Variants in VCAN observed in about 807,000 individuals in gnomAD.
The protein encoded by VCAN is versican core protein.
In VCAN, 44 loss-of-function variants were observed where a neutral mutation model predicts 245.5. The ratio of observed to expected loss-of-function variants is 0.18; its 90% CI spans 0.14 to 0.23. VCAN has a LOEUF of 0.23. Ranked by LOEUF, VCAN falls within the 10% of genes least tolerant of loss-of-function variation. The probability of loss-of-function intolerance (pLI) is 1.00; values close to 1 mark genes in which losing one functional copy is unlikely to be tolerated. For missense variants in VCAN, 3,793 were observed against 4,057.9 expected (o/e 0.93, Z 1.77); for synonymous variants, 1,413 against 1,437.0 (o/e 0.98, Z 0.38).
intron 5 of VCAN, among the ~76,000 whole-genome samples, chr5:83,497,321 T>C (rs1209803794): frequency 6.6e-6 from 1 of 152,240 alleles, no homozygotes; most frequent in Non-Finnish European, 1.5e-5. Context: ...TCCTGACATA[T>C]GTGTTTCTCT....
intron 2 of VCAN, among the ~76,000 whole-genome samples, chr5:83,488,873 T>A (rs1486469658): frequency 6.6e-6 from 1 of 152,222 alleles, no homozygotes; most frequent in Non-Finnish European, 1.5e-5. Context: ...TCACATGAAA[T>A]GTTTTATAGG....
chr5:83,472,019 C>T lies in VCAN; in HGVS notation c.-11C>T. ...CCCCCAAACTGCAATAAGCCGCCTT[C>T]CAAGGTAATCACGTTTCTTTTGTTC... On this transcript the variant is annotated 5_prime_UTR_variant, in exon 1 of 15. Transcript: ENST00000265077. The T allele has an allele frequency of 2.7e-6, 1 of 370,116 alleles. No individual in the cohort carries two copies. The highest frequency in any genetic ancestry group is 4.8e-6 in the Non-Finnish European group (1 of 208,902). The allele number at this position is 370,116 out of a possible 1,614,324, so 22.9% of individuals were successfully genotyped here.
intron 6 of VCAN, among the ~76,000 whole-genome samples, chr5:83,516,723 G>A (rs1745869099): frequency 6.6e-6 from 1 of 152,250 alleles, no homozygotes; most frequent in African/African-American, 2.4e-5. Context: ...GCACCTATTG[G>A]AAGGACACTG....
At chr5:83,481,951 T>C (rs962890830) in intron 1 of VCAN, among the ~76,000 whole-genome samples, 4 of 152,244 alleles carry the variant, frequency 2.6e-5, no homozygotes, top group Non-Finnish European at 4.4e-5. Flanking sequence ...TGCTAAATAA[T>C]ATAGAATTTC....
intron 6 of VCAN, 200 bp downstream of exon 6, chr5:83,512,596 T>A: frequency 1.5e-6 from 1 of 645,436 alleles, no homozygotes; most frequent in Middle Eastern, 4.3e-4. Context: ...GGCAAATGGA[T>A]TTTTAGAGGG....
intron 2 of VCAN, among the ~76,000 whole-genome samples, chr5:83,485,404 C>CAA (rs35054904): frequency 3.8e-5 from 4 of 104,376 alleles, no homozygotes; most frequent in African/African-American, 7.0e-5. Flanking sequence ...AACTCCATGT[C>CAA]AAAAAAAAAA....
intron 12 of VCAN, among the ~76,000 whole-genome samples, chr5:83,563,246 G>T (rs17205972): frequency 0.2 from 29,925 of 151,954 alleles, 3,242 homozygotes; most frequent in South Asian, 0.42. Context: ...CATAAATAAA[G>T]AAGGACCCAG....
chr5:83,576,334 G>T (rs1748475923), intron 13 of VCAN, among the ~76,000 whole-genome samples: 1 of 151,978 alleles, frequency 6.6e-6, no homozygotes, highest in Non-Finnish European at 1.5e-5. Context: ...TATATTCTGT[G>T]CTTTGCTCTT....
rs1311366139 is a variant in VCAN at position 83,537,826 on chromosome 5, G to C, written c.4823G>C (p.Trp1608Ser). 1 of 1,613,862 alleles carries C rather than the reference G, an allele frequency of 6.2e-7. No homozygotes were observed. The highest frequency in any genetic ancestry group is 8.5e-7 in the Non-Finnish European group (1 of 1,179,960). Residue 1608 changes from tryptophan (W) to serine (S), a missense_variant, in exon 8 of 15, where the codon TGG (tryptophan) becomes TCG (serine). By Grantham distance (177) the Trp-to-Ser change is radical. Around this residue, in one of 5 missense-constraint regions of VCAN, gnomAD observed 3,182 missense variants for 3,250.3 expected, o/e 0.98. Coordinates refer to ENST00000265077, the MANE Select transcript of VCAN (RefSeq NM_004385.5). ...GCAGTTACCCTAATAGGAAATCCTT[G>C]GCCAGATGACCTGTTGTCTACCAAA... ...EEAVTLIGNP[W>S]PDDLLSTKES... is the part of the protein sequence containing the mutation.
chr5:83,499,982 T>C (rs1276876081), intron 5 of VCAN, among the ~76,000 whole-genome samples: 1 of 152,224 alleles, frequency 6.6e-6, no homozygotes, highest in Non-Finnish European at 1.5e-5. Flanking sequence ...TTCTAGCTTT[T>C]TAAAGGTTTT....
chr5:83,518,165 C>T (rs906842176), intron 6 of VCAN, among the ~76,000 whole-genome samples: 4 of 152,204 alleles, frequency 2.6e-5, no homozygotes, highest in African/African-American at 9.6e-5. Context: ...ACAATAACTA[C>T]AGGTTTCTTC....
At chr5:83,484,528 C>T (rs1744728967) in intron 2 of VCAN, among the ~76,000 whole-genome samples, 1 of 151,800 alleles carries the variant, frequency 6.6e-6, no homozygotes, top group Non-Finnish European at 1.5e-5. Flanking sequence ...TCCATCCATC[C>T]ATCCATCCAT....
Position 83,572,565 on chromosome 5 carries a change from T to A in VCAN, c.9880+5T>A. The A allele has an allele frequency of 6.2e-7, 1 of 1,613,678 alleles. No individual in the cohort carries two copies. The highest frequency in any genetic ancestry group is 8.5e-7 in the Non-Finnish European group (1 of 1,179,714). Reference sequence around the variant, plus strand: ...ATACGTGCAAGAAAGGAACAGGTAATGATCACCCTGTTAATAATGTGTACT... The same window carrying A: ...ATACGTGCAAGAAAGGAACAGGTAAAGATCACCCTGTTAATAATGTGTACT... On this transcript the variant is annotated splice_donor_5th_base_variant and intron_variant, in intron 13 of 14. Coordinates refer to ENST00000265077, the MANE Select transcript of VCAN (RefSeq NM_004385.5).
chr5:83,521,584 C>T lies in VCAN; in HGVS notation c.3278C>T (p.Thr1093Ile). ...GAGAGGGTCCCAGTTTTAGAAACAA[C>T]TCCAGTTGGAAAAATTGATCACAGT... ...GSERVPVLETTPVGKIDHSVS... is the reference protein window; with the variant it reads ...GSERVPVLETIPVGKIDHSVS... The change falls in exon 7 of 15, where the codon ACT becomes ATT. Residue 1093 changes from threonine to isoleucine, a missense_variant. Physicochemically the swap from Thr to Ile is moderately conservative, Grantham distance 89. This residue lies in a region of VCAN where 3,182 missense variants were observed against 3,250.3 expected (regional missense o/e 0.98). Transcript: ENST00000265077. 6.2e-7 allele frequency: 1 copy of T among 1,614,050 alleles called. No individual in the cohort carries two copies.
chr5:83,554,930 T>C (rs777640805), intron 11 of VCAN, 26 bp from the exon 12 acceptor site: 21 of 1,604,278 alleles, frequency 1.3e-5, no homozygotes, highest in Non-Finnish European at 1.7e-5. Context: ...GTAGTACAAA[T>C]ATCTGTGTGG....
Position 83,537,196 on chromosome 5 carries a change from A to G in VCAN, c.4193A>G (p.Asn1398Ser), listed in dbSNP as rs1332752846. The change falls in exon 8 of 15, where the codon AAT (asparagine) becomes AGT (serine). Residue 1398 changes from asparagine (N) to serine (S), a missense_variant. Asn to Ser is a conservative substitution (Grantham distance 46). Transcript: ENST00000265077. ...ENEEEEEECA[N>S]ATDVTTTPSV... Reference sequence around the variant, plus strand: ...GAAGAAGAAGAAGAAGAGTGTGCAAATGCTACTGATGTGACAACCACCCCA... The same window carrying G: ...GAAGAAGAAGAAGAAGAGTGTGCAAGTGCTACTGATGTGACAACCACCCCA... 1 of 1,613,732 alleles carries G rather than the reference A, an allele frequency of 6.2e-7. No homozygotes were observed. The highest frequency in any genetic ancestry group is 1.1e-5 in the South Asian group (1 of 91,072).
At chr5:83,518,641 A>G (rs1295314410) in intron 6 of VCAN, among the ~76,000 whole-genome samples, 1 of 151,432 alleles carries the variant, frequency 6.6e-6, no homozygotes, top group Non-Finnish European at 1.5e-5. Context: ...TGCCAGGCAC[A>G]TTTTATAATT....
chr5:83,568,764 C>T (rs992374113), intron 12 of VCAN, among the ~76,000 whole-genome samples: 6 of 152,078 alleles, frequency 3.9e-5, no homozygotes, highest in Non-Finnish European at 7.4e-5. Flanking sequence ...AAATAATGCT[C>T]ACTCTAGAGA....
At chr5:83,501,270 A>G (rs143149981) in intron 5 of VCAN, among the ~76,000 whole-genome samples, 58 of 152,208 alleles carry the variant, frequency 3.8e-4, no homozygotes, top group Admixed American at 8.5e-4. Context: ...TACTTTCTTG[A>G]TAAGGCCCTT....
Sources: gnomAD v4.1 joint callset for allele counts (sites outside exome capture counted in the v4.1 genomes callset) on GRCh38, gnomAD v4.1.1 for gene constraint, gnomAD v4.1.1 regional missense constraint, MANE v1.5 for transcripts, NCBI Gene and HGNC (gene_info 2026-07-23, HGNC 2026-07-21) for gene names.